Variants in ZNF567 observed in about 807,000 individuals in gnomAD.
The protein encoded by ZNF567 is zinc finger protein 567.
A neutral mutation model predicts 53.9 loss-of-function variants in ZNF567; 36 were observed. The ratio of observed to expected loss-of-function variants is 0.67; its 90% CI spans 0.51 to 0.88. The LOEUF (loss-of-function observed/expected upper bound fraction) is 0.88. Among genes scored for constraint, ZNF567 ranks in the 40% least tolerant of loss-of-function variants. The pLI, the probability that ZNF567 is intolerant of heterozygous loss-of-function variation, is 0.00. For missense variants in ZNF567, 619 were observed against 764.7 expected (o/e 0.81, Z 2.25); for synonymous variants, 224 against 260.4 (o/e 0.86, Z 1.35).
At chr19:36,699,761 T>C (rs1472683950) in intron 3 of ZNF567, among the ~76,000 whole-genome samples, 1 of 151,764 alleles carries the variant, frequency 6.6e-6, no homozygotes, top group Non-Finnish European at 1.5e-5. Flanking sequence ...GTGATTTTTG[T>C]ACATTGATTT....
upstream of ZNF567, among the ~76,000 whole-genome samples, chr19:36,682,993 G>A (rs1031832846): frequency 6.6e-6 from 1 of 152,020 alleles, no homozygotes; most frequent in Non-Finnish European, 1.5e-5. Flanking sequence ...GTGTCTGTGT[G>A]TGTGTGATTT....
chr19:36,674,674 A>T, the ZNF567 span, among the ~76,000 whole-genome samples: 6 of 152,186 alleles, frequency 3.9e-5, no homozygotes, highest in Non-Finnish European at 5.9e-5. Flanking sequence ...TTGGGTCCAA[A>T]TTAATATTTT....
At chr19:36,702,743 A>G (rs917059979) in intron 3 of ZNF567, among the ~76,000 whole-genome samples, 3 of 151,976 alleles carry the variant, frequency 2.0e-5, no homozygotes, top group African/African-American at 7.3e-5. Context: ...TGCATTCTTC[A>G]TGTAGTTCTC....
At chr19:36,692,667 A>G (rs1468012840) in intron 2 of ZNF567, among the ~76,000 whole-genome samples, 1 of 152,040 alleles carries the variant, frequency 6.6e-6, no homozygotes, top group Non-Finnish European at 1.5e-5. Flanking sequence ...TGAGCTACCT[A>G]CTGTGCTCAA....
intron 5 of ZNF567, among the ~76,000 whole-genome samples, chr19:36,718,543 G>A (rs1308687314): frequency 2.6e-5 from 4 of 152,098 alleles, no homozygotes; most frequent in Non-Finnish European, 5.9e-5. Context: ...GTGTCCTCCA[G>A]AAGTAATCTT....
intron 3 of ZNF567, among the ~76,000 whole-genome samples, chr19:36,706,680 TG>T (rs139978478): frequency 0.29 from 38,246 of 131,178 alleles, 7,198 homozygotes; most frequent in African/African-American, 0.4. Context: ...TTTTTTTTTT[TG>T]TTTTTTTTTT....
At chr19:36,691,962 CATATT>C (rs1194168514) in intron 2 of ZNF567, among the ~76,000 whole-genome samples, 1 of 152,144 alleles carries the variant, frequency 6.6e-6, no homozygotes, top group African/African-American at 2.4e-5. Context: ...GCAATTCACT[CATATT>C]ATTGCATGTA....
the ZNF567 span, among the ~76,000 whole-genome samples, chr19:36,679,148 T>C: frequency 6.6e-6 from 1 of 152,024 alleles, no homozygotes; most frequent in East Asian, 1.9e-4. Context: ...TAACCAGGCA[T>C]GGTGGTACGC....
At chr19:36,725,870 A>C (rs1314815119), downstream of ZNF567, among the ~76,000 whole-genome samples, 1 of 152,172 alleles carries the variant, frequency 6.6e-6, no homozygotes, top group Non-Finnish European at 1.5e-5. Context: ...TTCCTTAAGT[A>C]CTTTTTCAGC....
intron 3 of ZNF567, among the ~76,000 whole-genome samples, chr19:36,705,443 G>A (rs958649376): frequency 6.6e-5 from 10 of 152,086 alleles, no homozygotes; most frequent in African/African-American, 2.2e-4. Flanking sequence ...TTGCTCATTG[G>A]TTATTTAGAA....
chr19:36,702,685 T>C (rs2039265920), intron 3 of ZNF567, among the ~76,000 whole-genome samples: 1 of 152,226 alleles, frequency 6.6e-6, no homozygotes, highest in Non-Finnish European at 1.5e-5. Context: ...TGATCTTCCA[T>C]CATTGATACC....
intron 2 of ZNF567, among the ~76,000 whole-genome samples, chr19:36,690,177 G>GT (rs2038524903): frequency 1.3e-5 from 2 of 151,782 alleles, no homozygotes; most frequent in African/African-American, 2.4e-5. Context: ...ATAAATAGGG[G>GT]GTGTGTGTGT....
rs2040203758 is a variant in ZNF567 at position 36,719,273 on chromosome 19, C to T, written c.549C>T (p.Ser183=). ...KQETTHPEVK[S]HNQSARAFSH... ...AGACTACTCATCCTGAAGTCAAATC[C>T]CATAATCAAAGTGCCAGAGCTTTCA... The change falls in exon 6 of 6, where the codon TCC becomes TCT. Residue 183 remains serine, a synonymous_variant. Coordinates refer to ENST00000682579, the MANE Select transcript of ZNF567 (RefSeq NM_001322917.1). 1.9e-6 allele frequency: 3 copies of T among 1,613,886 alleles called. No homozygotes were observed. Among genetic ancestry groups the T allele is most frequent in the Non-Finnish European group, 2.5e-6 (3 of 1,179,962 alleles).
At chr19:36,701,078 C>T (rs927483808) in intron 3 of ZNF567, among the ~76,000 whole-genome samples, 12 of 151,980 alleles carry the variant, frequency 7.9e-5, no homozygotes, top group African/African-American at 2.9e-4. Context: ...AAATTTCCCT[C>T]TACACACTGC....
Position 36,720,496 on chromosome 19 carries a change from G to T in ZNF567, c.1772G>T (p.Cys591Phe). The change falls in exon 6 of 6, where the codon TGT becomes TTT. Residue 591 changes from cysteine to phenylalanine, a missense_variant. Coordinates refer to ENST00000682579, the MANE Select transcript of ZNF567 (RefSeq NM_001322917.1). ...CATACGGGAGAGAAACCATATAAAT[G>T]TAGTGAATGTGGAAAGTGCTTCCGC... The part of the protein sequence containing the change: ...RTHTGEKPYK[C>F]SECGKCFRQK... The T allele has an allele frequency of 1.2e-6, 2 of 1,613,986 alleles. No individual in the cohort carries two copies. Among genetic ancestry groups the T allele is most frequent in the Non-Finnish European group, 1.7e-6 (2 of 1,179,994 alleles).
Position 36,720,081 on chromosome 19 carries a change from G to A in ZNF567, c.1357G>A (p.Glu453Lys), listed in dbSNP as rs750548837. 10 of 1,614,074 alleles carry A rather than the reference G, an allele frequency of 6.2e-6. No individual in the cohort carries two copies. Among genetic ancestry groups the A allele is most frequent in the Middle Eastern group, 3.3e-4 (2 of 6,058 alleles). ...TGAGGAGAAACCCTATATTTGTAGT[G>A]AATGTGGAAAGTCCTTCCGCCAGAA... Reference protein sequence around the residue: ...HNEEKPYICSECGKSFRQKTT... With the variant: ...HNEEKPYICSKCGKSFRQKTT... The change falls in exon 6 of 6, where the codon GAA becomes AAA. Residue 453 changes from glutamate to lysine, a missense_variant. Transcript: ENST00000682579.
rs768500040 is a variant in ZNF567 at position 36,719,810 on chromosome 19, G to C, written c.1086G>C (p.Glu362Asp). The change falls in exon 6 of 6, where the codon GAG becomes GAC. Residue 362 changes from glutamate to aspartate, a missense_variant. Coordinates refer to ENST00000682579, the MANE Select transcript of ZNF567 (RefSeq NM_001322917.1). ...LIRHQRTHTG[E>D]KPYECNDCGK... ...GTCATCAGAGAACTCACACGGGAGAGAAACCATATGAGTGTAATGACTGTG... is the reference window on the plus strand; with the variant it reads ...GTCATCAGAGAACTCACACGGGAGACAAACCATATGAGTGTAATGACTGTG... 10 of 1,614,060 alleles carry C rather than the reference G, an allele frequency of 6.2e-6. No individual in the cohort carries two copies. The highest frequency in any genetic ancestry group is 7.6e-6 in the Non-Finnish European group (9 of 1,180,036).
the ZNF567 span, among the ~76,000 whole-genome samples, chr19:36,678,186 A>C: frequency 5.3e-5 from 8 of 152,194 alleles, no homozygotes; most frequent in Non-Finnish European, 1.2e-4. Context: ...TGAAGAGTCA[A>C]AACTTCAAGG....
At chr19:36,682,469 A>G in the ZNF567 span, among the ~76,000 whole-genome samples, 1 of 151,654 alleles carries the variant, frequency 6.6e-6, no homozygotes, top group South Asian at 2.1e-4. Flanking sequence ...ATTCTATTAT[A>G]GAGGTCAAAC....
Sources: gnomAD v4.1 joint callset for allele counts (sites outside exome capture counted in the v4.1 genomes callset) on GRCh38, gnomAD v4.1.1 for gene constraint, MANE v1.5 for transcripts, NCBI Gene and HGNC (gene_info 2026-07-23, HGNC 2026-07-21) for gene names.